The following GABRA3 variants were observed in gnomAD, a reference collection of about 807,000 sequenced individuals.
GABRA3 encodes gamma-aminobutyric acid receptor subunit alpha-3.
Under a neutral mutation model 30.1 loss-of-function variants are expected in GABRA3, and 10 were observed. That is an observed-to-expected ratio of 0.33 (90% CI 0.20 to 0.56). The LOEUF is 0.56. GABRA3 is among the 20% of genes least tolerant of loss of function. The pLI, the probability that GABRA3 is intolerant of heterozygous loss-of-function variation, is 0.89. For missense variants in GABRA3, 233 were observed against 392.0 expected (o/e 0.59, Z 3.42); for synonymous variants, 151 against 146.8 (o/e 1.03, Z -0.21).
At chrX:152,216,356 A>G (rs1294771003) in intron 6 of GABRA3, among the ~76,000 whole-genome samples, 1 of 105,237 alleles carries the variant, frequency 9.5e-6, no homozygotes, top group Non-Finnish European at 2.0e-5. Flanking sequence ...CCATCAATGA[A>G]TGAATGAATA....
intron 6 of GABRA3, among the ~76,000 whole-genome samples, chrX:152,212,286 A>G (rs1443528166): frequency 4.9e-4 from 2 of 4,091 alleles, no homozygotes; most frequent in African/African-American, 6.9e-4. Context: ...CTTTGTCTCA[A>G]AAAAAAAAAA....
chrX:152,343,600 A>G (rs1321180728), intron 3 of GABRA3, among the ~76,000 whole-genome samples: 1 of 110,448 alleles, frequency 9.1e-6, no homozygotes, highest in African/African-American at 3.3e-5. Flanking sequence ...CAGTCACCAA[A>G]TTCTCTCCAT....
intron 4 of GABRA3, among the ~76,000 whole-genome samples, chrX:152,266,878 G>A (rs1457301125): frequency 8.9e-6 from 1 of 111,770 alleles, no homozygotes; most frequent in Non-Finnish European, 1.9e-5. Flanking sequence ...ACTCTGCATA[G>A]CGTATAGCAG....
intron 3 of GABRA3, among the ~76,000 whole-genome samples, chrX:152,322,844 CTTTTTTTTTTTTTTT>C (rs1172827692): frequency 1.6e-4 from 10 of 61,261 alleles, no homozygotes; most frequent in African/African-American, 5.0e-4. Flanking sequence ...AAAGTCTACT[CTTTTTTTTTTTTTTT>C]TTTTTTTTTT....
At chrX:152,229,765 T>C (rs776490717) in intron 5 of GABRA3, among the ~76,000 whole-genome samples, 3 of 110,955 alleles carry the variant, frequency 2.7e-5, no homozygotes, top group Non-Finnish European at 5.7e-5. Flanking sequence ...GAGTGAAATA[T>C]AGAGGCACTG....
Position 152,383,795 on chromosome X carries a change from C to G in GABRA3, c.-26-19199G>C, listed in dbSNP as rs1025695539. Reference sequence around the variant, plus strand: ...AAAGTTTTTCCTCTAATATCAGAAACAAGACAAGGATGCCCACCCTTGCCA... The same window carrying G: ...AAAGTTTTTCCTCTAATATCAGAAAGAAGACAAGGATGCCCACCCTTGCCA... On this transcript the variant is annotated intron_variant, in intron 1 of 9. Transcript: ENST00000370314. Among the ~76,000 whole-genome samples the G allele has an allele frequency of 2.7e-5, 3 of 109,225 alleles. No individual in the cohort carries two copies. The Admixed American group carries it at 3.0e-4, about 11-fold the overall frequency. 94.8% of individuals were successfully genotyped at this position (109,225 alleles called of 115,157 possible). A position where few individuals can be genotyped will look rare whatever the true frequency, so the allele number is the denominator to read the frequency against.
chrX:152,342,093 G>A (rs1940323333), intron 3 of GABRA3, among the ~76,000 whole-genome samples: 1 of 111,492 alleles, frequency 9.0e-6, no homozygotes, highest in Non-Finnish European at 1.9e-5. Flanking sequence ...GGCTGGTCTC[G>A]AACTCCTGAC....
chrX:152,370,822 T>C (rs1288021619), intron 1 of GABRA3, among the ~76,000 whole-genome samples: 1 of 110,920 alleles, frequency 9.0e-6, no homozygotes, highest in Admixed American at 9.6e-5. Context: ...ATCTAGCACC[T>C]TCATACTGTC....
chrX:152,346,004 G>C (rs1251270273), intron 2 of GABRA3, among the ~76,000 whole-genome samples: 1 of 111,449 alleles, frequency 9.0e-6, no homozygotes, highest in Non-Finnish European at 1.9e-5. Context: ...ATGTCACTGA[G>C]AACATTTCCC....
At chrX:152,209,409 G>A (rs1937610252) in intron 6 of GABRA3, among the ~76,000 whole-genome samples, 1 of 111,243 alleles carries the variant, frequency 9.0e-6, no homozygotes, top group Admixed American at 9.6e-5. Context: ...AGGCACCCAG[G>A]CTCATAAAGG....
At chrX:152,391,067 T>G (rs1350847604) in intron 1 of GABRA3, among the ~76,000 whole-genome samples, 2 of 111,734 alleles carry the variant, frequency 1.8e-5, no homozygotes, top group Non-Finnish European at 3.8e-5. Context: ...TCTTGGTGTA[T>G]GAGCAGTCAC....
rs964426340 is a variant in GABRA3, at chrX:152,364,067, A to C, written c.140+364T>G. On this transcript the variant is annotated intron_variant, in intron 2 of 9. Coordinates refer to ENST00000370314, the MANE Select transcript of GABRA3 (RefSeq NM_000808.4). ...GGCAGTATCTGGAGGGAAGATTTTTAAATTTAAGATGAGTGATTCCTAAAC... is the reference window on the plus strand; with the variant it reads ...GGCAGTATCTGGAGGGAAGATTTTTCAATTTAAGATGAGTGATTCCTAAAC... Among the ~76,000 whole-genome samples, 4 of 111,411 alleles carry C rather than the reference A, an allele frequency of 3.6e-5. No individual in the cohort carries two copies. In the Admixed American group the frequency reaches 3.8e-4, roughly 11 times the overall value.
Position 152,350,992 on chromosome X carries a change from T to C in GABRA3, c.141-5290A>G, listed in dbSNP as rs191346139. 3.4e-4 allele frequency among the ~76,000 whole-genome samples: 38 copies of C among 112,080 alleles called. No individual in the cohort carries two copies. The East Asian group carries it at 9.9e-3, about 29-fold the overall frequency. ...AAAAGGAGTACTTTTTCCTGGGAAG[T>C]AGACTGCAACCGTGTGCTTAAAATA... On this transcript the variant is annotated intron_variant, in intron 2 of 9. Coordinates refer to ENST00000370314, the MANE Select transcript of GABRA3 (RefSeq NM_000808.4).
At chrX:152,366,972 T>C (rs978553959) in intron 1 of GABRA3, among the ~76,000 whole-genome samples, 2 of 111,113 alleles carry the variant, frequency 1.8e-5, no homozygotes, top group African/African-American at 6.5e-5. Flanking sequence ...CAAGTGACCA[T>C]AGTGAAGAAT....
intron 3 of GABRA3, among the ~76,000 whole-genome samples, chrX:152,336,335 A>T (rs1940234229): frequency 8.9e-6 from 1 of 111,813 alleles, no homozygotes; most frequent in Admixed American, 9.5e-5. Context: ...ACTTCTCCGT[A>T]TCACTCCTAA....
At chrX:152,187,600 G>T (rs1009444307) in intron 9 of GABRA3, among the ~76,000 whole-genome samples, 3 of 111,244 alleles carry the variant, frequency 2.7e-5, no homozygotes, top group Non-Finnish European at 5.6e-5. Flanking sequence ...GGGATTTCCT[G>T]TGAACAAGGG....
intron 3 of GABRA3, among the ~76,000 whole-genome samples, chrX:152,289,897 T>C (rs1191696828): frequency 8.9e-6 from 1 of 112,157 alleles, no homozygotes; most frequent in Non-Finnish European, 1.9e-5. Flanking sequence ...TATGCCATAT[T>C]TTCTCAATCC....
At chrX:152,256,396 C>T (rs963637481) in intron 4 of GABRA3, among the ~76,000 whole-genome samples, 1 of 111,093 alleles carries the variant, frequency 9.0e-6, no homozygotes, top group African/African-American at 3.3e-5. Flanking sequence ...ATATAAAAAT[C>T]GCCACAAAAC....
At chrX:152,262,622 G>T (rs1938750133) in intron 4 of GABRA3, among the ~76,000 whole-genome samples, 1 of 111,893 alleles carries the variant, frequency 8.9e-6, no homozygotes, top group African/African-American at 3.2e-5. Flanking sequence ...TGTACATATT[G>T]CTATCAGCAT....
Sources: gnomAD v4.1 joint callset for allele counts (sites outside exome capture counted in the v4.1 genomes callset) on GRCh38, gnomAD v4.1.1 for gene constraint, MANE v1.5 for transcripts, NCBI Gene and HGNC (gene_info 2026-07-23, HGNC 2026-07-21) for gene names.